SGIP1: variants seen among roughly 807,000 people sequenced by gnomAD.
SGIP1 encodes the protein SH3-containing GRB2-like protein 3-interacting protein 1.
SGIP1 carries 38 observed loss-of-function variants against 107.5 expected under a neutral mutation model. The observed-to-expected ratio is 0.35, with a 90% CI of 0.27 to 0.46. The LOEUF (loss-of-function observed/expected upper bound fraction) is 0.46, where lower values mean the gene tolerates loss of function less well. SGIP1 is among the 20% of genes least tolerant of loss of function. The pLI is 1.00. For missense variants in SGIP1, 929 were observed against 1,019.5 expected, an observed-to-expected ratio of 0.91 and a Z score of 1.21; for synonymous variants, 365 against 366.1, an observed-to-expected ratio of 1.00 and a Z score of 0.03.
chr1:66,711,623 G>A (rs2092926268), intron 18 of SGIP1, among the ~76,000 whole-genome samples: 2 of 152,176 alleles, frequency 1.3e-5, no homozygotes, highest in South Asian at 2.1e-4. Flanking sequence ...ACTTTCTGAT[G>A]TCTCCATCTG....
chr1:66,708,422 G>A (rs1295075719), intron 18 of SGIP1, among the ~76,000 whole-genome samples: 2 of 152,092 alleles, frequency 1.3e-5, no homozygotes, highest in Non-Finnish European at 2.9e-5. Flanking sequence ...GGCTGTATGA[G>A]TCTTCATACT....
Position 66,661,573 on chromosome 1 carries a change from C to T in SGIP1, c.471+1049C>T, listed in dbSNP as rs1020909997. ...AAAATAAAATAGGCAGCTACAATTA[C>T]GATTATTACTAAGCTAAATGGCCCG... On this transcript the variant is annotated intron_variant, in intron 8 of 24. Coordinates refer to ENST00000371037, the MANE Select transcript of SGIP1 (RefSeq NM_032291.4). Among the ~76,000 whole-genome samples, 6 of 152,182 alleles carry T rather than the reference C, an allele frequency of 3.9e-5. No homozygotes were observed. The South Asian group carries it at 6.2e-4, about 16-fold the overall frequency.
intron 18 of SGIP1, among the ~76,000 whole-genome samples, chr1:66,697,548 C>T (rs532186851): frequency 6.6e-5 from 10 of 152,286 alleles, no homozygotes; most frequent in South Asian, 6.2e-4. Flanking sequence ...GTCACTGTTT[C>T]TCTCGCTAAA....
intron 24 of SGIP1, among the ~76,000 whole-genome samples, chr1:66,741,924 C>A (rs1380198587): frequency 6.6e-6 from 1 of 152,020 alleles, no homozygotes; most frequent in East Asian, 1.9e-4. Flanking sequence ...CCCACCACCA[C>A]GCATGGCTAA....
chr1:66,692,513 A>G (rs1557650075), intron 17 of SGIP1, among the ~76,000 whole-genome samples: 1 of 152,148 alleles, frequency 6.6e-6, no homozygotes, highest in Non-Finnish European at 1.5e-5. Flanking sequence ...TATTGTCAAG[A>G]CTGACTGTCC....
At chr1:66,567,490 A>C (rs1167759635) in intron 1 of SGIP1, among the ~76,000 whole-genome samples, 2 of 152,184 alleles carry the variant, frequency 1.3e-5, no homozygotes, top group African/African-American at 4.8e-5. Context: ...TTTGCTGTGC[A>C]GAAGATCTTT....
At chr1:66,542,152 A>G (rs2055122776) in intron 1 of SGIP1, among the ~76,000 whole-genome samples, 1 of 151,982 alleles carries the variant, frequency 6.6e-6, no homozygotes, top group Admixed American at 6.6e-5. Context: ...ATAATTATAT[A>G]TATACCTTCA....
chr1:66,584,211 A>G (rs2062220095), intron 1 of SGIP1, among the ~76,000 whole-genome samples: 1 of 152,090 alleles, frequency 6.6e-6, no homozygotes, highest in South Asian at 2.1e-4. Flanking sequence ...ACCTATATCT[A>G]GTATAGGTGC....
At chr1:66,698,457 C>T (rs1471360324) in intron 18 of SGIP1, among the ~76,000 whole-genome samples, 3 of 149,906 alleles carry the variant, frequency 2.0e-5, no homozygotes, top group Non-Finnish European at 4.4e-5. Flanking sequence ...CGGCTCACTG[C>T]AAGCTCCGCC....
chr1:66,571,221 T>C (rs1263489085), intron 1 of SGIP1, among the ~76,000 whole-genome samples: 1 of 151,974 alleles, frequency 6.6e-6, no homozygotes, highest in Non-Finnish European at 1.5e-5. Flanking sequence ...ATGGAGTATA[T>C]GAAAAGGTCC....
intron 7 of SGIP1, among the ~76,000 whole-genome samples, chr1:66,650,194 G>A (rs1311625450): frequency 1.3e-5 from 2 of 152,048 alleles, no homozygotes; most frequent in Admixed American, 1.3e-4. Flanking sequence ...GGTGTTTTTT[G>A]TGATGCCTTT....
rs1170477417 is a variant in SGIP1, at chr1:66,643,557, G to A, written c.297G>A (p.Lys99=). 4.4e-6 allele frequency: 7 copies of A among 1,607,558 alleles called. No individual in the cohort carries two copies. The South Asian group carries it at 5.6e-5, about 13-fold the overall frequency. The change falls in exon 7 of 25, where the codon AAG becomes AAA. Residue 99 remains lysine, a synonymous_variant. Coordinates refer to ENST00000371037, the MANE Select transcript of SGIP1 (RefSeq NM_032291.4). The stretch of plus-strand genomic sequence containing the variant: ...ACTGTGTTCTACCTACCAAAGGAAA[G>A]CACTTTTATTCTTCAAGTGAATCGG... ...RPEEPGSTKG[K]HFYSSSESEE... is the part of the protein sequence containing the mutation.
intron 18 of SGIP1, among the ~76,000 whole-genome samples, chr1:66,704,073 G>A (rs2092274004): frequency 6.6e-6 from 1 of 151,982 alleles, no homozygotes; most frequent in Non-Finnish European, 1.5e-5. Context: ...CAAACACTTA[G>A]TATAGTGCAT....
chr1:66,690,169 T>C (rs771165054), intron 16 of SGIP1, 21 bp from the exon 17 acceptor site: 28 of 1,599,026 alleles, frequency 1.8e-5, no homozygotes, highest in Non-Finnish European at 2.3e-5. Flanking sequence ...TAACTTTTCA[T>C]CTCTTTTCTT....
At chr1:66,598,606 CT>C (rs979870488) in intron 1 of SGIP1, among the ~76,000 whole-genome samples, 11 of 152,236 alleles carry the variant, frequency 7.2e-5, no homozygotes, top group Admixed American at 5.9e-4. Context: ...CCTCAGAAAA[CT>C]TACAATCGTG....
intron 1 of SGIP1, among the ~76,000 whole-genome samples, chr1:66,562,268 T>C (rs900682617): frequency 1.3e-5 from 2 of 152,062 alleles, no homozygotes; most frequent in Non-Finnish European, 2.9e-5. Context: ...CAGCTAGTTT[T>C]AATTTTTCAT....
At chr1:66,621,156 A>G (rs1428716724) in intron 1 of SGIP1, among the ~76,000 whole-genome samples, 1 of 152,206 alleles carries the variant, frequency 6.6e-6, no homozygotes, top group Non-Finnish European at 1.5e-5. Flanking sequence ...CTTCTGATAC[A>G]TGAGTGAGAA....
intron 1 of SGIP1, among the ~76,000 whole-genome samples, chr1:66,586,189 A>G (rs984285338): frequency 6.6e-6 from 1 of 152,156 alleles, no homozygotes; most frequent in African/African-American, 2.4e-5. Context: ...TCTTCATAAT[A>G]TATTTTCCCA....
intron 1 of SGIP1, among the ~76,000 whole-genome samples, chr1:66,560,258 T>C (rs1571329007): frequency 5.9e-5 from 9 of 152,162 alleles, no homozygotes; most frequent in Middle Eastern, 3.4e-3. Flanking sequence ...ATAATTACAA[T>C]GTAGGGCAGA....
Sources: allele counts gnomAD v4.1 joint callset (sites outside exome capture counted in the v4.1 genomes callset), GRCh38; gene constraint gnomAD v4.1.1; transcripts MANE v1.5; gene names NCBI Gene and HGNC (gene_info 2026-07-23, HGNC 2026-07-21).